The following CPA6 variants were observed in gnomAD, a reference collection of about 807,000 sequenced individuals.
CPA6 encodes carboxypeptidase A6.
Under a neutral mutation model 63.3 loss-of-function variants are expected in CPA6, and 58 were observed. That is an observed-to-expected ratio of 0.92 (90% CI 0.74 to 1.14). CPA6 has a LOEUF of 1.14. CPA6 is among the 50% of genes most tolerant of loss of function. The probability of loss-of-function intolerance (pLI) is 0.00; values close to 1 mark genes in which losing one functional copy is unlikely to be tolerated. For synonymous variants in CPA6, 185 were observed against 179.0 expected (o/e 1.03, Z -0.27); for missense variants, 565 against 526.6 (o/e 1.07, Z -0.71).
chr8:67,657,505 G>C (rs1326982879), intron 1 of CPA6, among the ~76,000 whole-genome samples: 2 of 152,154 alleles, frequency 1.3e-5, no homozygotes, highest in Admixed American at 6.5e-5. Flanking sequence ...TAAGTCAATA[G>C]CAATGATAAA....
At chr8:67,521,257 AC>A (rs1430973614) in intron 2 of CPA6, among the ~76,000 whole-genome samples, 6 of 152,248 alleles carry the variant, frequency 3.9e-5, no homozygotes, top group Admixed American at 3.9e-4. Flanking sequence ...TCACATGATT[AC>A]TAGTCACATA....
At chr8:67,697,639 G>A (rs1816935088) in intron 1 of CPA6, among the ~76,000 whole-genome samples, 1 of 152,160 alleles carries the variant, frequency 6.6e-6, no homozygotes, top group Non-Finnish European at 1.5e-5. Flanking sequence ...TAACCAGAGA[G>A]AATGAGATTG....
intron 2 of CPA6, among the ~76,000 whole-genome samples, chr8:67,601,981 G>A (rs1814508515): frequency 6.6e-6 from 1 of 152,130 alleles, no homozygotes; most frequent in Admixed American, 6.6e-5. Flanking sequence ...TAGAAGACTG[G>A]TTAAGGAAAT....
intron 2 of CPA6, among the ~76,000 whole-genome samples, chr8:67,556,436 C>A (rs557819304): frequency 3.9e-5 from 6 of 152,098 alleles, no homozygotes. Context: ...TGAAGGTGAA[C>A]GAGGGGAGAC....
intron 2 of CPA6, among the ~76,000 whole-genome samples, chr8:67,607,177 CTTCTTCTTCTTCTTCT>C (rs1814671753): frequency 3.9e-4 from 5 of 12,798 alleles, no homozygotes; most frequent in South Asian, 7.2e-3. Context: ...TCCTCTTCTT[CTTCTTCTTCTTCTTCT>C]TCTTCTTCTT....
At chr8:67,745,089 T>C (rs185361733) in intron 1 of CPA6, among the ~76,000 whole-genome samples, 22 of 152,220 alleles carry the variant, frequency 1.4e-4, no homozygotes, top group Admixed American at 1.4e-3. Flanking sequence ...GTACACTACC[T>C]TGTCATGATC....
chr8:67,476,453 G>C (rs1199555275), intron 8 of CPA6, among the ~76,000 whole-genome samples: 2 of 151,998 alleles, frequency 1.3e-5, no homozygotes, highest in African/African-American at 4.8e-5. Flanking sequence ...CAAACTATTA[G>C]CATGGTATGT....
At chr8:67,735,805 G>A (rs1043211991) in intron 1 of CPA6, 2 of 151,482 alleles carry the variant, frequency 1.3e-5, no homozygotes, top group Admixed American at 6.6e-5. Context: ...AATCAACTAA[G>A]TTCTTGGCTT....
At chr8:67,675,664 G>A (rs545330390) in intron 1 of CPA6, among the ~76,000 whole-genome samples, 68 of 152,218 alleles carry the variant, frequency 4.5e-4, no homozygotes, top group South Asian at 1.2e-3. Context: ...TTATCACAAC[G>A]AAAGGCCAGT....
chr8:67,487,763 G>A (rs1453493418), intron 6 of CPA6, among the ~76,000 whole-genome samples: 1 of 152,214 alleles, frequency 6.6e-6, no homozygotes, highest in Non-Finnish European at 1.5e-5. Flanking sequence ...ACTGGTGTGA[G>A]ATGATATCTC....
intron 2 of CPA6, among the ~76,000 whole-genome samples, chr8:67,618,319 G>A (rs1482374016): frequency 2.0e-5 from 3 of 152,116 alleles, no homozygotes; most frequent in African/African-American, 7.2e-5. Flanking sequence ...CTGTCCAGTT[G>A]GATGTTTGAG....
intron 8 of CPA6, chr8:67,483,330 G>A (rs1203066485): frequency 5.6e-6 from 1 of 178,774 alleles, no homozygotes; most frequent in South Asian, 1.2e-4. Flanking sequence ...GTCAATCCAC[G>A]TATGACCAGC....
At chr8:67,526,568 C>T (rs1289718368) in intron 2 of CPA6, among the ~76,000 whole-genome samples, 1 of 152,100 alleles carries the variant, frequency 6.6e-6, no homozygotes, top group Non-Finnish European at 1.5e-5. Flanking sequence ...CAGGCTGGCT[C>T]TTCCTTTTTT....
intron 6 of CPA6, among the ~76,000 whole-genome samples, chr8:67,486,671 C>T (rs1444518263): frequency 6.6e-6 from 1 of 152,078 alleles, no homozygotes; most frequent in Non-Finnish European, 1.5e-5. Flanking sequence ...TTGGGGGTAT[C>T]TAAAAATTAT....
intron 10 of CPA6, among the ~76,000 whole-genome samples, chr8:67,424,320 C>A (rs77208434): frequency 9.3e-4 from 142 of 152,170 alleles, no homozygotes; most frequent in Non-Finnish European, 1.7e-3. Flanking sequence ...CACCCCTGTC[C>A]GTGGAATAAC....
intron 1 of CPA6, among the ~76,000 whole-genome samples, chr8:67,694,852 C>T (rs994080678): frequency 1.3e-5 from 2 of 152,120 alleles, no homozygotes; most frequent in East Asian, 1.9e-4. Context: ...TCTGGTTATT[C>T]GCTTTGCTTG....
chr8:67,430,480 T>C (rs1374882076), intron 9 of CPA6, among the ~76,000 whole-genome samples: 2 of 152,200 alleles, frequency 1.3e-5, no homozygotes, highest in African/African-American at 4.8e-5. Flanking sequence ...TATTTCCATA[T>C]TTAAAGCAAC....
chr8:67,549,273 A>T (rs1812888663), intron 2 of CPA6, among the ~76,000 whole-genome samples: 1 of 152,248 alleles, frequency 6.6e-6, no homozygotes, highest in East Asian at 1.9e-4. Context: ...AAGAGGAGGG[A>T]GCAAGACTAA....
chr8:67,535,164 C>T (rs1454720587), intron 2 of CPA6, among the ~76,000 whole-genome samples: 1 of 152,192 alleles, frequency 6.6e-6, no homozygotes, highest in Non-Finnish European at 1.5e-5. Context: ...CTGCAATAAA[C>T]ATACGTGTGC....
Sources: gnomAD v4.1 joint callset for allele counts (sites outside exome capture counted in the v4.1 genomes callset) on GRCh38, gnomAD v4.1.1 for gene constraint, MANE v1.5 for transcripts, NCBI Gene and HGNC (gene_info 2026-07-23, HGNC 2026-07-21) for gene names.